Variants in GLB1L3 observed in about 807,000 individuals in gnomAD.
GLB1L3 encodes the protein beta-galactosidase-1-like protein 3.
In GLB1L3, 89 loss-of-function variants were observed where a neutral mutation model predicts 89.5. The observed-to-expected ratio is 0.99, with a 90% confidence interval of 0.84 to 1.19. The LOEUF (loss-of-function observed/expected upper bound fraction) is 1.19. Among genes scored for constraint, GLB1L3 ranks in the 50% most tolerant of loss-of-function variants. The pLI, the probability that GLB1L3 is intolerant of heterozygous loss-of-function variation, is 0.00. For missense variants in GLB1L3, 812 were observed against 813.3 expected (o/e 1.00, Z 0.02); for synonymous variants, 314 against 312.3 (o/e 1.01, Z -0.06).
intron 8 of GLB1L3, 32 bp from the exon 9 acceptor site, chr11:134,293,113 G>T: frequency 6.3e-7 from 1 of 1,597,484 alleles, no homozygotes; most frequent in South Asian, 1.1e-5. Context: ...CTTGTCTCAT[G>T]CCTCAGCTGG....
intron 8 of GLB1L3, chr11:134,292,772 G>T: frequency 2.8e-6 from 1 of 363,002 alleles, no homozygotes; most frequent in South Asian, 2.9e-5. Context: ...GCTGCTGCCG[G>T]CGGCTGCCGT....
At chr11:134,305,055 T>C in intron 9 of GLB1L3, 2 of 1,540,548 alleles carry the variant, frequency 1.3e-6, no homozygotes. Context: ...GGCACAATGC[T>C]GTAGGCAGGG....
At chr11:134,312,131 C>A in intron 13 of GLB1L3, 1 of 555,860 alleles carries the variant, frequency 1.8e-6, no homozygotes, top group South Asian at 2.6e-5. Flanking sequence ...AGGATTATAA[C>A]GATTGCTCCC....
chr11:134,296,218 A>C (rs1185180143), intron 9 of GLB1L3, among the ~76,000 whole-genome samples: 1 of 147,456 alleles, frequency 6.8e-6, no homozygotes, highest in South Asian at 2.3e-4. Flanking sequence ...ATGTGGAGAA[A>C]TAGGAACACT....
At position 134,277,873 on chromosome 11, in the gene GLB1L3, T is replaced by C. The variant is rs779629157; in HGVS notation, c.323T>C (p.Leu108Pro). The change falls in exon 3 of 20, where the codon CTG becomes CCG. Residue 108 changes from leucine (L) to proline (P), a missense_variant. Leu to Pro is a moderately conservative substitution (Grantham distance 98). Around this residue, in one of 3 missense-constraint regions of GLB1L3, gnomAD observed 191 missense variants for 191.4 expected, o/e 1.00. Coordinates refer to ENST00000431683, the MANE Select transcript of GLB1L3 (RefSeq NM_001080407.3). ...CCCAGGGAGTACTGGAGGGACCGCC[T>C]GCTGAAGCTGAAGGCCTGTGGCTTC... is the stretch of plus-strand genomic sequence containing the variant. ...RVPREYWRDRLLKLKACGFNT... is the reference protein window; with the variant it reads ...RVPREYWRDRPLKLKACGFNT... The C allele has an allele frequency of 2.5e-6, 4 of 1,613,922 alleles. No individual in the cohort carries two copies. In the East Asian group the frequency reaches 8.9e-5, roughly 36 times the overall value.
chr11:134,290,295 G>C (rs139910048), intron 7 of GLB1L3, among the ~76,000 whole-genome samples: 1 of 152,284 alleles, frequency 6.6e-6, no homozygotes, highest in Non-Finnish European at 1.5e-5. Context: ...TTTACCGGCT[G>C]TGCTCAGTGG....
intron 10 of GLB1L3, among the ~76,000 whole-genome samples, chr11:134,308,074 A>C (rs1157790502): frequency 6.6e-6 from 1 of 151,432 alleles, no homozygotes; most frequent in Non-Finnish European, 1.5e-5. Context: ...ACCAACAATA[A>C]TACCATCACT....
chr11:134,298,491 A>C (rs1432701630), intron 9 of GLB1L3, among the ~76,000 whole-genome samples: 1 of 152,130 alleles, frequency 6.6e-6, no homozygotes, highest in African/African-American at 2.4e-5. Flanking sequence ...CTGTGTCTCC[A>C]CCCAAATCTC....
downstream of GLB1L3, among the ~76,000 whole-genome samples, chr11:134,319,940 T>C (rs1196220821): frequency 6.6e-6 from 1 of 152,174 alleles, no homozygotes; most frequent in Non-Finnish European, 1.5e-5. Flanking sequence ...CAGGGTTCTC[T>C]GTGTCTTCTT....
intron 9 of GLB1L3, chr11:134,305,004 TA>T: frequency 8.0e-7 from 1 of 1,255,162 alleles, no homozygotes; most frequent in South Asian, 1.7e-5. Context: ...GCGACTGCGC[TA>T]ACAATGTATC....
rs1435805995 is a variant in GLB1L3, at chr11:134,284,269, G to A, written c.636+424G>A. The stretch of plus-strand genomic sequence containing the variant: ...GAGACAACCAATTTTACTAGATTTT[G>A]TGTCTCTTTTTAGAGATTTTATCAG... On this transcript the variant is annotated intron_variant, in intron 6 of 19. Transcript: ENST00000431683. Among the ~76,000 whole-genome samples the A allele has an allele frequency of 2.6e-5, 4 of 151,874 alleles. No individual in the cohort carries two copies. The South Asian group carries it at 8.3e-4, about 31-fold the overall frequency.
At position 134,281,354 on chromosome 11, in the gene GLB1L3, T is replaced by A. The variant is rs770660445; in HGVS notation, c.363-23T>A. On this transcript the variant is annotated intron_variant, in intron 3 of 19. Transcript: ENST00000431683. ...GGAAGAAATAAGAAGATACTCATCA[T>A]ACTTCCCTCTCACCTCTTCTAGCTA... 8 of 1,613,988 alleles carry A rather than the reference T, an allele frequency of 5.0e-6. No individual in the cohort carries two copies. The East Asian group carries it at 1.8e-4, about 36-fold the overall frequency.
intron 9 of GLB1L3, among the ~76,000 whole-genome samples, 167 bp from the exon 10 acceptor site, chr11:134,306,957 G>A (rs1303951014): frequency 6.6e-6 from 1 of 152,238 alleles, no homozygotes; most frequent in Non-Finnish European, 1.5e-5. Context: ...TGTGAATGAC[G>A]GCCAAGGGCC....
intron 9 of GLB1L3, 112 bp downstream of exon 9, chr11:134,293,321 A>T: frequency 2.3e-6 from 2 of 885,368 alleles, no homozygotes; most frequent in Non-Finnish European, 3.5e-6. Flanking sequence ...GCAGGTTTTC[A>T]CCCTGGGTCC....
Position 134,299,284 on chromosome 11 carries a change from C to A in GLB1L3, c.876+6075C>A, listed in dbSNP as rs117982292. On this transcript the variant is annotated intron_variant, in intron 9 of 19. Coordinates refer to ENST00000431683, the MANE Select transcript of GLB1L3 (RefSeq NM_001080407.3). ...TTTTGAATTCCTTGTGAGATAGTTA[C>A]AACATCTGTGTCTTATCTGTTTCTG... Among the ~76,000 whole-genome samples, 217 of 152,158 alleles carry A rather than the reference C, an allele frequency of 1.4e-3. 2 individuals carry two copies. Among genetic ancestry groups the A allele is most frequent in the Middle Eastern group, 6.8e-3 (2 of 292 alleles).
At chr11:134,305,226 A>T in intron 9 of GLB1L3, 1 of 819,890 alleles carries the variant, frequency 1.2e-6, no homozygotes, top group Non-Finnish European at 2.1e-6. Context: ...TAAGCTTCTG[A>T]TGCACTGAAT....
rs71038572 is a variant in GLB1L3 at position 134,290,579 on chromosome 11, C to CAA, written c.730-1545_730-1544dup. ...CAGAGTGAGACTCGTCCCCCCCCGC[C>CAA]AAAAAAAAAGAAAAGAAAAAAAAAG... On this transcript the variant is annotated intron_variant, in intron 7 of 19. Coordinates refer to ENST00000431683, the MANE Select transcript of GLB1L3 (RefSeq NM_001080407.3). Among the ~76,000 whole-genome samples, 62 of 117,052 alleles carry CAA rather than the reference C, an allele frequency of 5.3e-4. 1 individual carries two copies. Among genetic ancestry groups the CAA allele is most frequent in the Admixed American group, 7.8e-4 (8 of 10,292 alleles). 76.8% of individuals were successfully genotyped at this position (117,052 alleles called of 152,430 possible).
At chr11:134,299,583 A>G (rs1941834310) in intron 9 of GLB1L3, among the ~76,000 whole-genome samples, 2 of 152,116 alleles carry the variant, frequency 1.3e-5, no homozygotes. Context: ...CTGGTTTGGC[A>G]GAGGTTGTTT....
At chr11:134,305,307 C>T in intron 9 of GLB1L3, 1 of 581,942 alleles carries the variant, frequency 1.7e-6, no homozygotes, top group Non-Finnish European at 3.1e-6. Context: ...GTTGGTATTG[C>T]ACTATAGAGT....
Sources: allele counts gnomAD v4.1 joint callset (sites outside exome capture counted in the v4.1 genomes callset), GRCh38; gene constraint gnomAD v4.1.1; regional missense constraint gnomAD v4.1.1; transcripts MANE v1.5; gene names NCBI Gene and HGNC (gene_info 2026-07-23, HGNC 2026-07-21).